BANF2: variants seen among roughly 807,000 people sequenced by gnomAD.
BANF2 encodes barrier-to-autointegration factor-like protein.
BANF2 carries 4 observed loss-of-function variants against 8.0 expected under a neutral mutation model. The observed-to-expected ratio is 0.50, with a 90% CI of 0.25 to 1.14. The LOEUF (loss-of-function observed/expected upper bound fraction) is 1.14, where lower values mean the gene tolerates loss of function less well. BANF2 is among the 50% of genes most tolerant of loss of function. BANF2 has a pLI of 0.16. For missense variants in BANF2, 96 were observed against 107.5 expected (o/e 0.89, Z 0.47); for synonymous variants, 50 against 40.6 (o/e 1.23, Z -0.88).
intron 1 of BANF2, among the ~76,000 whole-genome samples, chr20:17,710,454 G>A (rs146148623): frequency 6.4e-4 from 97 of 152,322 alleles, no homozygotes; most frequent in South Asian, 1.5e-3. Context: ...TCGTTTTGAG[G>A]ACTATGCATG....
In BANF2 at chr20:17,735,820, C is replaced by T. The variant is rs2037970790; in HGVS notation, c.*9C>T. ...GTGCCTGCTTCCTGTAGACACAAAC[C>T]TCATTGCTGCCCCCCACCACCCTCT... is the stretch of plus-strand genomic sequence containing the variant. On this transcript the variant is annotated 3_prime_UTR_variant, in exon 4 of 4. Coordinates refer to ENST00000246090, the MANE Select transcript of BANF2 (RefSeq NM_178477.5). 2.5e-6 allele frequency: 4 copies of T among 1,607,610 alleles called. No homozygotes were observed. Among genetic ancestry groups the T allele is most frequent in the South Asian group, 1.1e-5 (1 of 90,644 alleles).
intron 1 of BANF2, among the ~76,000 whole-genome samples, chr20:17,719,571 G>A (rs760711706): frequency 1.3e-5 from 2 of 152,040 alleles, no homozygotes; most frequent in South Asian, 2.1e-4. Flanking sequence ...GTGTTGGGGG[G>A]CTCTAGTGTC....
intron 3 of BANF2, chr20:17,731,433 G>T: frequency 6.6e-6 from 1 of 152,378 alleles, no homozygotes. Flanking sequence ...GACTTGGGCA[G>T]AGGGCATTGT....
At chr20:17,694,427 C>A (rs974782463) in intron 1 of BANF2, among the ~76,000 whole-genome samples, 1 of 151,738 alleles carries the variant, frequency 6.6e-6, no homozygotes, top group African/African-American at 2.4e-5. Context: ...GGAGGGTGTT[C>A]GACAATCTTA....
intron 1 of BANF2, among the ~76,000 whole-genome samples, chr20:17,710,068 C>T (rs1369747210): frequency 6.6e-6 from 1 of 152,186 alleles, no homozygotes; most frequent in East Asian, 1.9e-4. Flanking sequence ...CTGGATATCA[C>T]CTAATGTGGG....
At position 17,735,795 on chromosome 20, in the gene BANF2, G is replaced by A. The variant is rs975642374; in HGVS notation, c.257G>A (p.Cys86Tyr). 2 of 1,613,650 alleles carry A rather than the reference G, an allele frequency of 1.2e-6. No individual in the cohort carries two copies. The highest frequency in any genetic ancestry group is 1.7e-6 in the Non-Finnish European group (2 of 1,179,916). Reference sequence around the variant, plus strand: ...ACTTCTCACTGCCTCAAGGAGTGGTGTGCCTGCTTCCTGTAGACACAAACC... The same window carrying A: ...ACTTCTCACTGCCTCAAGGAGTGGTATGCCTGCTTCCTGTAGACACAAACC... ...QQTSHCLKEW[C>Y]ACFL Residue 86 changes from cysteine to tyrosine, a missense_variant, in exon 4 of 4, where the codon TGT becomes TAT. By Grantham distance (194) the Cys-to-Tyr change is radical (BLOSUM62 -2). Coordinates refer to ENST00000246090, the MANE Select transcript of BANF2 (RefSeq NM_178477.5).
chr20:17,708,051 A>C (rs1217908572), intron 1 of BANF2, among the ~76,000 whole-genome samples: 2 of 151,066 alleles, frequency 1.3e-5, no homozygotes, highest in East Asian at 2.0e-4. Flanking sequence ...AAAATCAAAA[A>C]AAAAAAAAAA....
At chr20:17,715,235 C>T (rs2037633648) in intron 1 of BANF2, among the ~76,000 whole-genome samples, 1 of 152,188 alleles carries the variant, frequency 6.6e-6, no homozygotes, top group African/African-American at 2.4e-5. Context: ...AAAGGTGAGC[C>T]CTGCCTTTGG....
intron 3 of BANF2, among the ~76,000 whole-genome samples, chr20:17,727,161 G>A (rs1013508280): frequency 3.9e-5 from 6 of 152,306 alleles, no homozygotes; most frequent in Admixed American, 3.3e-4. Flanking sequence ...CTTGCCTGTC[G>A]AGTCAGGGCT....
chr20:17,719,781 C>T (rs761540779), intron 1 of BANF2, among the ~76,000 whole-genome samples: 1 of 151,652 alleles, frequency 6.6e-6, no homozygotes, highest in African/African-American at 2.4e-5. Context: ...AGTTGTCTTC[C>T]TATTGATGGC....
At chr20:17,694,597 C>CT (rs2037327197) in intron 1 of BANF2, among the ~76,000 whole-genome samples, 1 of 36,278 alleles carries the variant, frequency 2.8e-5, no homozygotes, top group African/African-American at 7.3e-5. Flanking sequence ...TGTTTTTTCT[C>CT]TCTCTTTTTT....
rs549661578 is a variant in BANF2 at position 17,707,250 on chromosome 20, C to T, written c.-167+7195C>T. On this transcript the variant is annotated intron_variant, in intron 1 of 3. Transcript: ENST00000246090. ...AAAAAAATACAAAAAATTAACCGGG[C>T]ATGGTGGCAGGCGCAGTCCCAGCTA... is the stretch of plus-strand genomic sequence containing the variant. Among the ~76,000 whole-genome samples the T allele has an allele frequency of 2.3e-4, 35 of 151,554 alleles. No homozygotes were observed. The East Asian group carries it at 6.2e-3, about 27-fold the overall frequency.
chr20:17,694,546 T>C (rs2037326134), intron 1 of BANF2, among the ~76,000 whole-genome samples: 1 of 150,190 alleles, frequency 6.7e-6, no homozygotes, highest in Non-Finnish European at 1.5e-5. Context: ...AAACATTGCA[T>C]CTAACATTGT....
Position 17,731,759 on chromosome 20 carries a change from GA to G in BANF2, c.127-3884del, listed in dbSNP as rs58645809. Among the ~76,000 whole-genome samples, 409 of 94,994 alleles carry G rather than the reference GA, an allele frequency of 4.3e-3. 6 individuals carry two copies. Among genetic ancestry groups the G allele is most frequent in the South Asian group, 0.016 (43 of 2,622 alleles). 62.3% of individuals were successfully genotyped at this position (94,994 alleles called of 152,430 possible). Reference sequence around the variant, plus strand: ...GACGGAATGAGATCCCGTCTCTTAGGAAAAAAAAAAAAAAAAAAAAAAGTAG... The same window carrying G: ...GACGGAATGAGATCCCGTCTCTTAGGAAAAAAAAAAAAAAAAAAAAAGTAG... On this transcript the variant is annotated intron_variant, in intron 3 of 3. Transcript: ENST00000246090.
upstream of BANF2, among the ~76,000 whole-genome samples, chr20:17,698,081 C>A (rs2037364838): frequency 6.6e-6 from 1 of 152,034 alleles, no homozygotes; most frequent in African/African-American, 2.4e-5. Flanking sequence ...GTGGTGGGTG[C>A]CTGTAAATCC....
At chr20:17,695,637 T>C (rs544631725), upstream of BANF2, among the ~76,000 whole-genome samples, 29 of 152,162 alleles carry the variant, frequency 1.9e-4, no homozygotes, top group Admixed American at 4.6e-4. Context: ...ACATTACATA[T>C]GCACACACCA....
chr20:17,721,845 G>A (rs865914046), intron 1 of BANF2, among the ~76,000 whole-genome samples: 2 of 152,170 alleles, frequency 1.3e-5, no homozygotes, highest in Non-Finnish European at 2.9e-5. Context: ...GACCACATGG[G>A]GCAGGATTTT....
chr20:17,714,121 C>G (rs778943992), intron 1 of BANF2, among the ~76,000 whole-genome samples: 2 of 139,026 alleles, frequency 1.4e-5, no homozygotes, highest in East Asian at 4.5e-4. Flanking sequence ...TACAAGAACC[C>G]GGGAGGCAGA....
At chr20:17,704,936 C>A (rs1372855408) in intron 1 of BANF2, among the ~76,000 whole-genome samples, 2 of 152,244 alleles carry the variant, frequency 1.3e-5, no homozygotes. Context: ...GGGGGCACCA[C>A]TTCTTGCCTA....
Sources: gnomAD v4.1 joint callset for allele counts (sites outside exome capture counted in the v4.1 genomes callset) on GRCh38, gnomAD v4.1.1 for gene constraint, MANE v1.5 for transcripts, NCBI Gene and HGNC (gene_info 2026-07-23, HGNC 2026-07-21) for gene names.